The following ACTN2 variants were observed in gnomAD, a reference collection of about 807,000 sequenced individuals.
ACTN2 encodes alpha-actinin-2.
Under a neutral mutation model 113.8 loss-of-function variants are expected in ACTN2, and 39 were observed. The observed-to-expected ratio is 0.34, with a 90% CI of 0.27 to 0.45. ACTN2 has a LOEUF of 0.45. ACTN2 is among the 20% of genes least tolerant of loss of function. The pLI is 1.00. For missense variants in ACTN2, 992 were observed against 1,177.9 expected, an observed-to-expected ratio of 0.84 and a Z score of 2.31; for synonymous variants, 429 against 444.1, an observed-to-expected ratio of 0.97 and a Z score of 0.43.
rs1244046487 is a variant in ACTN2 at position 236,702,181 on chromosome 1, C to T, written c.126+15382C>T. On this transcript the variant is annotated intron_variant, in intron 1 of 20. Coordinates refer to ENST00000366578, the MANE Select transcript of ACTN2 (RefSeq NM_001103.4). Reference sequence around the variant, plus strand: ...TCATTGAGCAAAATTAACTTCAGAACGCTAGGATTGCTGGATTGGATCCAA... The same window carrying T: ...TCATTGAGCAAAATTAACTTCAGAATGCTAGGATTGCTGGATTGGATCCAA... Among the ~76,000 whole-genome samples the T allele has an allele frequency of 5.9e-5, 9 of 152,236 alleles. No homozygotes were observed. The East Asian group carries it at 9.7e-4, about 16-fold the overall frequency.
chr1:236,709,255 T>G (rs4659463), intron 1 of ACTN2, among the ~76,000 whole-genome samples: 1 of 68,912 alleles, frequency 1.5e-5, no homozygotes, highest in Admixed American at 2.0e-4. Context: ...TATATATATA[T>G]ACACACACAC....
rs1413238835 is a variant in ACTN2, at chr1:236,705,896, ATGGAC to A, written c.127-11960_127-11956del. 4.6e-5 allele frequency among the ~76,000 whole-genome samples: 7 copies of A among 152,304 alleles called. No homozygotes were observed. In the East Asian group the frequency reaches 1.4e-3, roughly 29 times the overall value. ...TTTCTTTCTGTATTTTGAATAGCCC[ATGGAC>A]TAAATGGAAATCAGTCTTGTGAGCC... On this transcript the variant is annotated intron_variant, in intron 1 of 20. Transcript: ENST00000366578.
Position 236,763,346 on chromosome 1 carries a change from A to G in ACTN2, c.*727A>G, listed in dbSNP as rs1239634358. The G allele has an allele frequency of 1.3e-5, 2 of 152,740 alleles. No individual in the cohort carries two copies. Among genetic ancestry groups the G allele is most frequent in the Admixed American group, 6.5e-5 (1 of 15,348 alleles). The allele number at this position is 152,740 out of a possible 1,614,324, so 9.5% of individuals were successfully genotyped here. On this transcript the variant is annotated 3_prime_UTR_variant, in exon 21 of 21. Coordinates refer to ENST00000366578, the MANE Select transcript of ACTN2 (RefSeq NM_001103.4). The stretch of plus-strand genomic sequence containing the variant: ...GTGGAAGTCAGTTTAATTGCCAGAG[A>G]GAAGGATGCAATCACTAGGTAAAAT...
intron 4 of ACTN2, among the ~76,000 whole-genome samples, chr1:236,725,001 A>T (rs1057461119): frequency 4.6e-5 from 7 of 152,154 alleles, no homozygotes; most frequent in African/African-American, 1.7e-4. Context: ...TACAAACCAG[A>T]TGAATGACAG....
chr1:236,694,636 A>T (rs1003147376), intron 1 of ACTN2, among the ~76,000 whole-genome samples: 5 of 152,162 alleles, frequency 3.3e-5, no homozygotes, highest in African/African-American at 1.2e-4. Context: ...CTTTTTTGGC[A>T]GTCTTTATGA....
At chr1:236,732,760 A>C (rs781458660) in intron 7 of ACTN2, among the ~76,000 whole-genome samples, 19 of 152,134 alleles carry the variant, frequency 1.2e-4, no homozygotes, top group Non-Finnish European at 2.1e-4. Flanking sequence ...ATTTTCTTAC[A>C]AGGATACCAG....
chr1:236,753,852 C>G (rs1348323649), intron 15 of ACTN2, 95 bp from the exon 16 acceptor site: 17 of 766,638 alleles, frequency 2.2e-5, no homozygotes, highest in South Asian at 4.0e-5. Context: ...CTTCTCCACT[C>G]CCACCCCCAC....
Position 236,718,942 on chromosome 1 carries a change from T to C in ACTN2, c.290T>C (p.Ile97Thr). ...CGGGGAAAAATGCGGTTCCACAAAATTGCTAATGTCAACAAAGCTTTGGAT... is the reference window on the plus strand; with the variant it reads ...CGGGGAAAAATGCGGTTCCACAAAACTGCTAATGTCAACAAAGCTTTGGAT... ...PDRGKMRFHK[I>T]ANVNKALDYI... The change falls in exon 3 of 21, where the codon ATT becomes ACT. Residue 97 changes from isoleucine to threonine, a missense_variant. By Grantham distance (89) the Ile-to-Thr change is moderately conservative. Coordinates refer to ENST00000366578, the MANE Select transcript of ACTN2 (RefSeq NM_001103.4). The C allele has an allele frequency of 6.2e-7, 1 of 1,614,172 alleles. No homozygotes were observed. Among genetic ancestry groups the C allele is most frequent in the Non-Finnish European group, 8.5e-7 (1 of 1,180,024 alleles).
chr1:236,762,665 C>T lies in ACTN2; in HGVS notation c.*46C>T, dbSNP rs74146254. On this transcript the variant is annotated 3_prime_UTR_variant, in exon 21 of 21. Transcript: ENST00000366578. ...TCATCCCATCAGAATGCAATAAAAG[C>T]GGAAGTCACAGTTTGTTTCCTGGAA... 7.6e-4 allele frequency: 1,211 copies of T among 1,598,328 alleles called. 6 individuals carry two copies. The African/African-American group carries it at 0.015, about 19-fold the overall frequency.
intron 1 of ACTN2, among the ~76,000 whole-genome samples, chr1:236,708,694 C>T (rs1657907174): frequency 6.6e-6 from 1 of 152,118 alleles, no homozygotes; most frequent in South Asian, 2.1e-4. Flanking sequence ...ATGTATGTAC[C>T]TTTTGGGCCT....
chr1:236,762,632 G>A lies in ACTN2; in HGVS notation c.*13G>A. The A allele has an allele frequency of 1.9e-6, 3 of 1,613,138 alleles. No individual in the cohort carries two copies. The highest frequency in any genetic ancestry group is 1.7e-6 in the Non-Finnish European group (2 of 1,179,614). The stretch of plus-strand genomic sequence containing the variant: ...GAGCGATCTGTGATGCTGAGCTTCT[G>A]TAATCACTCATCCCATCAGAATGCA... On this transcript the variant is annotated 3_prime_UTR_variant, in exon 21 of 21. Coordinates refer to ENST00000366578, the MANE Select transcript of ACTN2 (RefSeq NM_001103.4).
chr1:236,689,287 G>A (rs1337197724), intron 1 of ACTN2, among the ~76,000 whole-genome samples: 1 of 143,674 alleles, frequency 7.0e-6, no homozygotes, highest in African/African-American at 2.6e-5. Flanking sequence ...AATGCCTGCA[G>A]TATTACAGAT....
chr1:236,723,551 T>C (rs1431135260), intron 4 of ACTN2, among the ~76,000 whole-genome samples: 1 of 152,170 alleles, frequency 6.6e-6, no homozygotes, highest in Admixed American at 6.5e-5. Flanking sequence ...CTGTAACCTC[T>C]GCCTCCCAGG....
Position 236,717,902 on chromosome 1 carries a change from C to A in ACTN2, c.171C>A (p.Thr57=). The change falls in exon 2 of 21, where the codon ACC becomes ACA. Residue 57 remains threonine, a synonymous_variant. Coordinates refer to ENST00000366578, the MANE Select transcript of ACTN2 (RefSeq NM_001103.4). ...WCNSHLRKAG[T]QIENIEEDFR... ...ACTCCCACCTAAGGAAAGCCGGCAC[C>A]CAGATTGAGAACATCGAGGAAGACT... The A allele has an allele frequency of 6.2e-7, 1 of 1,614,104 alleles. No individual in the cohort carries two copies. The highest frequency in any genetic ancestry group is 2.2e-5 in the East Asian group (1 of 44,880).
chr1:236,713,383 A>G (rs140917856), intron 1 of ACTN2, among the ~76,000 whole-genome samples: 213 of 152,216 alleles, frequency 1.4e-3, no homozygotes, highest in Middle Eastern at 0.014. Context: ...GTGCATCACC[A>G]TGTACAACTA....
chr1:236,695,375 CAA>C lies in ACTN2; in HGVS notation c.126+8592_126+8593del, dbSNP rs34546199. 1.7e-4 allele frequency among the ~76,000 whole-genome samples: 7 copies of C among 41,206 alleles called. No individual in the cohort carries two copies. The South Asian group carries it at 4.5e-3, about 26-fold the overall frequency. The allele number at this position is 41,206 out of a possible 152,430, so 27.0% of individuals were successfully genotyped here. Reference sequence around the variant, plus strand: ...CATGGGAGACAGAGTGAGACTGTCTCAAAAAAAAAAAAAAAAAGTTAAGAGAT... The same window carrying C: ...CATGGGAGACAGAGTGAGACTGTCTCAAAAAAAAAAAAAAAGTTAAGAGAT... On this transcript the variant is annotated intron_variant, in intron 1 of 20. Coordinates refer to ENST00000366578, the MANE Select transcript of ACTN2 (RefSeq NM_001103.4).
intron 1 of ACTN2, 126 bp from the exon 2 acceptor site, chr1:236,717,732 C>A: frequency 1.4e-6 from 1 of 730,436 alleles, no homozygotes; most frequent in Admixed American, 2.0e-5. Flanking sequence ...TCTGCATCCT[C>A]TAGAAGCCCA....
rs750480942 is a variant in ACTN2, at chr1:236,731,219, T to C, written c.616-14T>C. ...ATATATTTTAAAAATCTGACTGTCT[T>C]GGTTTTCATACAGGATGACCCCATA... On this transcript the variant is annotated splice_polypyrimidine_tract_variant and intron_variant, in intron 6 of 20. Coordinates refer to ENST00000366578, the MANE Select transcript of ACTN2 (RefSeq NM_001103.4). 4.7e-5 allele frequency: 76 copies of C among 1,600,822 alleles called. No homozygotes were observed. Among genetic ancestry groups the C allele is most frequent in the Non-Finnish European group, 6.4e-5 (75 of 1,168,122 alleles).
At position 236,722,188 on chromosome 1, in the gene ACTN2, C is replaced by A. The variant is rs144356320; in HGVS notation, c.448+1997C>A. ...TTTCATGGAGTAATTGTTTAACAAC[C>A]TCATTTAACTTCTGTAAGTCTACAG... On this transcript the variant is annotated intron_variant, in intron 4 of 20. Coordinates refer to ENST00000366578, the MANE Select transcript of ACTN2 (RefSeq NM_001103.4). Among the ~76,000 whole-genome samples the A allele has an allele frequency of 3.1e-3, 466 of 151,898 alleles. 3 individuals carry two copies. The highest frequency in any genetic ancestry group is 5.1e-3 in the Non-Finnish European group (345 of 67,958).
Sources: allele counts gnomAD v4.1 joint callset (sites outside exome capture counted in the v4.1 genomes callset), GRCh38; gene constraint gnomAD v4.1.1; transcripts MANE v1.5; gene names NCBI Gene and HGNC (gene_info 2026-07-23, HGNC 2026-07-21).